Variants in CTNNA3 observed in about 807,000 individuals in gnomAD.
CTNNA3 encodes catenin alpha 3.
A neutral mutation model predicts 95.7 loss-of-function variants in CTNNA3; 76 were observed. That is an observed-to-expected ratio of 0.79 (90% CI 0.66 to 0.96). CTNNA3 has a LOEUF of 0.96. CTNNA3 is among the 40% of genes least tolerant of loss of function. CTNNA3 has a pLI of 0.00. For missense variants in CTNNA3, 1,191 were observed against 1,089.8 expected, an observed-to-expected ratio of 1.09 and a Z score of -1.31; for synonymous variants, 431 against 374.4, an observed-to-expected ratio of 1.15 and a Z score of -1.74.
chr10:67,618,687 AAGAT>A (rs1362339655), intron 2 of CTNNA3, among the ~76,000 whole-genome samples: 2 of 152,230 alleles, frequency 1.3e-5, no homozygotes, highest in Non-Finnish European at 2.9e-5. Context: ...AAGATCATCA[AAGAT>A]AGTGATTAGA....
chr10:66,644,513 A>G (rs1025758176), intron 9 of CTNNA3, among the ~76,000 whole-genome samples: 7 of 149,636 alleles, frequency 4.7e-5, no homozygotes, highest in East Asian at 2.0e-4. Context: ...TATATTAGAC[A>G]CTATGTAAAT....
At chr10:67,721,683 T>A (rs544181661) in intron 1 of CTNNA3, among the ~76,000 whole-genome samples, 8 of 152,172 alleles carry the variant, frequency 5.3e-5, no homozygotes, top group Non-Finnish European at 7.4e-5. Context: ...CCATTCTCCA[T>A]CAAGTTTTGT....
chr10:66,976,145 T>C (rs931225957), intron 7 of CTNNA3, among the ~76,000 whole-genome samples: 16 of 152,188 alleles, frequency 1.1e-4, no homozygotes, highest in Non-Finnish European at 1.5e-5. Flanking sequence ...TTGTAAAACA[T>C]ATGTTCTTGT....
intron 9 of CTNNA3, among the ~76,000 whole-genome samples, chr10:66,743,748 C>T (rs1470388002): frequency 2.0e-5 from 3 of 151,782 alleles, no homozygotes; most frequent in Admixed American, 6.6e-5. Context: ...AAGGCCAAGG[C>T]GGGTGGATCA....
chr10:66,216,806 C>G (rs977229615), intron 13 of CTNNA3, among the ~76,000 whole-genome samples: 5 of 152,154 alleles, frequency 3.3e-5, no homozygotes, highest in Non-Finnish European at 7.3e-5. Flanking sequence ...TGGTACATAA[C>G]TACATTACAA....
intron 5 of CTNNA3, among the ~76,000 whole-genome samples, chr10:67,371,313 T>C (rs1843449205): frequency 6.6e-6 from 1 of 151,980 alleles, no homozygotes; most frequent in Non-Finnish European, 1.5e-5. Context: ...ATGTGCCATG[T>C]TGGTGTGCTG....
chr10:66,720,278 T>C (rs999560291), intron 9 of CTNNA3, among the ~76,000 whole-genome samples: 2 of 147,812 alleles, frequency 1.4e-5, no homozygotes, highest in African/African-American at 4.9e-5. Flanking sequence ...CTTTTATGCC[T>C]TCCTCCCTTC....
intron 15 of CTNNA3, among the ~76,000 whole-genome samples, chr10:66,023,554 T>C (rs1319226786): frequency 6.6e-6 from 1 of 152,154 alleles, no homozygotes; most frequent in Non-Finnish European, 1.5e-5. Context: ...TAAAGAAATA[T>C]AGATATTAGA....
At position 66,713,379 on chromosome 10, in the gene CTNNA3, G is replaced by A. The variant is rs138772358; in HGVS notation, c.1281+52885C>T. 1.1e-4 allele frequency among the ~76,000 whole-genome samples: 17 copies of A among 152,190 alleles called. No individual in the cohort carries two copies. In the East Asian group the frequency reaches 3.1e-3, roughly 28 times the overall value. ...AACCAGGGATCTCTTTTATATGACA[G>A]TATTTAGCAGATTGGTATTTTAAAT... On this transcript the variant is annotated intron_variant, in intron 9 of 17. Coordinates refer to ENST00000433211, the MANE Select transcript of CTNNA3 (RefSeq NM_013266.4).
chr10:66,075,302 T>C (rs745843055), intron 14 of CTNNA3, among the ~76,000 whole-genome samples: 1 of 151,702 alleles, frequency 6.6e-6, no homozygotes, highest in Non-Finnish European at 1.5e-5. Flanking sequence ...ATAGGAAAAA[T>C]GCAGAAATTG....
At chr10:66,702,732 A>AAGTAGT (rs3055636) in intron 9 of CTNNA3, among the ~76,000 whole-genome samples, 14,842 of 134,112 alleles carry the variant, frequency 0.11, 1,276 homozygotes, top group African/African-American at 0.24. Context: ...AAAAAAGAAT[A>AAGTAGT]AGTAGTAGTA....
intron 13 of CTNNA3, among the ~76,000 whole-genome samples, chr10:66,164,165 A>C (rs1202454643): frequency 5.3e-5 from 8 of 152,324 alleles, no homozygotes; most frequent in Middle Eastern, 3.4e-3. Flanking sequence ...ATTTGTCTGT[A>C]ACCAAAAATT....
chr10:66,942,411 T>C (rs1848044802), intron 7 of CTNNA3, among the ~76,000 whole-genome samples: 1 of 152,204 alleles, frequency 6.6e-6, no homozygotes, highest in Admixed American at 6.5e-5. Context: ...ACAATGTTGT[T>C]CAGCAACACA....
chr10:66,608,653 C>G (rs1047536043), intron 10 of CTNNA3, among the ~76,000 whole-genome samples: 4 of 151,956 alleles, frequency 2.6e-5, no homozygotes, highest in African/African-American at 9.7e-5. Context: ...ACCATCTGAT[C>G]TTCAAAAAAA....
At chr10:65,957,835 CT>C (rs1254360275) in intron 17 of CTNNA3, among the ~76,000 whole-genome samples, 1 of 152,108 alleles carries the variant, frequency 6.6e-6, no homozygotes, top group Non-Finnish European at 1.5e-5. Flanking sequence ...TTCATTTCAA[CT>C]TTGGTGAATC....
At chr10:66,952,924 G>A (rs371038825) in intron 7 of CTNNA3, among the ~76,000 whole-genome samples, 8 of 151,954 alleles carry the variant, frequency 5.3e-5, no homozygotes, top group African/African-American at 1.2e-4. Context: ...TGTTACAGCC[G>A]TTCAGAATGC....
chr10:67,251,825 A>G (rs1866119777), intron 5 of CTNNA3, among the ~76,000 whole-genome samples: 2 of 152,176 alleles, frequency 1.3e-5, no homozygotes, highest in Non-Finnish European at 2.9e-5. Context: ...AGGGAGGGGC[A>G]GTATTAACGT....
chr10:66,633,922 G>A (rs1845245729), intron 9 of CTNNA3, among the ~76,000 whole-genome samples: 1 of 152,002 alleles, frequency 6.6e-6, no homozygotes, highest in Non-Finnish European at 1.5e-5. Context: ...TGATGAAATA[G>A]TCCTATATGT....
At chr10:67,103,041 A>T (rs532607582) in intron 7 of CTNNA3, among the ~76,000 whole-genome samples, 5 of 151,854 alleles carry the variant, frequency 3.3e-5, no homozygotes, top group Admixed American at 6.6e-5. Context: ...GGTCAAGTTG[A>T]CTCCAAATCC....
Sources: gnomAD v4.1 joint callset for allele counts (sites outside exome capture counted in the v4.1 genomes callset) on GRCh38, gnomAD v4.1.1 for gene constraint, MANE v1.5 for transcripts, NCBI Gene and HGNC (gene_info 2026-07-23, HGNC 2026-07-21) for gene names.